The following FBXO31 variants were observed in gnomAD, a reference collection of about 807,000 sequenced individuals.
The protein encoded by FBXO31 is F-box protein 31.
A neutral mutation model predicts 54.4 loss-of-function variants in FBXO31; 24 were observed. The observed-to-expected ratio is 0.44, with a 90% CI of 0.32 to 0.62. The LOEUF (loss-of-function observed/expected upper bound fraction) is 0.62, where lower values mean the gene tolerates loss of function less well. FBXO31 is among the 20% of genes least tolerant of loss of function. The probability of loss-of-function intolerance (pLI) is 0.05; values close to 1 mark genes in which losing one functional copy is unlikely to be tolerated. For synonymous variants in FBXO31, 388 were observed against 335.6 expected, an observed-to-expected ratio of 1.16 and a Z score of -1.71; for missense variants, 665 against 787.1, an observed-to-expected ratio of 0.84 and a Z score of 1.86.
rs768468557 is a variant in FBXO31, at chr16:87,334,247, T to C, written c.1036A>G (p.Ile346Val). ...AGCTGGATCCGATGCCTCAGGTCGA[T>C]CTCCACTGTCTGCTGCCCAGCGGGG... is the stretch of plus-strand genomic sequence containing the variant. ...NIPAGQQTVEIDLRHRIQLPD... is the reference protein window; with the variant it reads ...NIPAGQQTVEVDLRHRIQLPD... The change falls in exon 8 of 9, where the codon ATC (isoleucine) becomes GTC (valine). Residue 346 changes from isoleucine (I) to valine (V), a missense_variant. Around this residue, in one of 4 missense-constraint regions of FBXO31, gnomAD observed 234 missense variants for 346.8 expected, o/e 0.67. Coordinates refer to ENST00000311635, the MANE Select transcript of FBXO31 (RefSeq NM_024735.5). 6.2e-7 allele frequency: 1 copy of C among 1,605,712 alleles called. No homozygotes were observed. The highest frequency in any genetic ancestry group is 1.1e-5 in the South Asian group (1 of 89,800).
At chr16:87,339,401 G>A (rs536386035) in intron 5 of FBXO31, among the ~76,000 whole-genome samples, 10 of 152,302 alleles carry the variant, frequency 6.6e-5, no homozygotes, top group Admixed American at 5.2e-4. Context: ...CCTACACGTC[G>A]TGAGAGAAAA....
At chr16:87,357,880 G>GC (rs145066018) in intron 2 of FBXO31, among the ~76,000 whole-genome samples, 4,314 of 151,648 alleles carry the variant, frequency 0.028, 210 homozygotes, top group African/African-American at 0.1. Flanking sequence ...TTGTGACACT[G>GC]CACTCCAGCT....
upstream of FBXO31, among the ~76,000 whole-genome samples, chr16:87,390,563 C>G (rs891367766): frequency 6.6e-6 from 1 of 151,614 alleles, no homozygotes; most frequent in East Asian, 2.0e-4. Flanking sequence ...GCCTCAGCCT[C>G]CCGAGTAGCT....
At chr16:87,331,697 T>C (rs761436650) in intron 8 of FBXO31, among the ~76,000 whole-genome samples, 187 bp from the exon 9 acceptor site, 4 of 152,178 alleles carry the variant, frequency 2.6e-5, no homozygotes, top group African/African-American at 4.8e-5. Flanking sequence ...AGCCTGTCTC[T>C]GAAGGGGTAG....
At chr16:87,359,284 C>G (rs903316259) in intron 2 of FBXO31, among the ~76,000 whole-genome samples, 7 of 152,228 alleles carry the variant, frequency 4.6e-5, no homozygotes, top group Non-Finnish European at 8.8e-5. Context: ...ACCCCCTGCC[C>G]TACCCTCGGC....
chr16:87,352,152 C>A (rs1012165931), intron 2 of FBXO31, among the ~76,000 whole-genome samples: 4 of 152,194 alleles, frequency 2.6e-5, no homozygotes, highest in Admixed American at 2.6e-4. Context: ...GCCAACACAT[C>A]ACACTGTGCC....
intron 2 of FBXO31, among the ~76,000 whole-genome samples, chr16:87,352,637 T>A (rs903522445): frequency 1.3e-5 from 2 of 152,102 alleles, no homozygotes; most frequent in Admixed American, 6.5e-5. Context: ...CCAGAAGACA[T>A]GGATGCTGCT....
intron 2 of FBXO31, among the ~76,000 whole-genome samples, chr16:87,348,536 G>A (rs1269627816): frequency 6.6e-6 from 1 of 152,180 alleles, no homozygotes; most frequent in Admixed American, 6.5e-5. Context: ...GGAAGAAGGG[G>A]TGACCGGGTA....
At chr16:87,368,116 T>C (rs2150690876) in intron 1 of FBXO31, among the ~76,000 whole-genome samples, 1 of 152,308 alleles carries the variant, frequency 6.6e-6, no homozygotes, top group African/African-American at 2.4e-5. Context: ...ATCAACAACT[T>C]GATAAAGCAT....
At chr16:87,381,665 C>A (rs1743957953) in intron 1 of FBXO31, among the ~76,000 whole-genome samples, 1 of 152,196 alleles carries the variant, frequency 6.6e-6, no homozygotes, top group Non-Finnish European at 1.5e-5. Context: ...ACTCAAAGAG[C>A]CCGACAACAG....
At chr16:87,390,885 C>T (rs1907514478), upstream of FBXO31, among the ~76,000 whole-genome samples, 1 of 152,106 alleles carries the variant, frequency 6.6e-6, no homozygotes, top group Non-Finnish European at 1.5e-5. Context: ...GGCTTGGAGC[C>T]ACCGCCCCCC....
chr16:87,340,784 C>T (rs997690715), intron 5 of FBXO31, among the ~76,000 whole-genome samples: 1 of 152,064 alleles, frequency 6.6e-6, no homozygotes, highest in African/African-American at 2.4e-5. Context: ...AAGTGAGACA[C>T]CCTCTCTCTT....
chr16:87,364,578 C>A (rs1266824583), intron 1 of FBXO31, among the ~76,000 whole-genome samples: 1 of 152,162 alleles, frequency 6.6e-6, no homozygotes, highest in Non-Finnish European at 1.5e-5. Context: ...TGGGCGGGGG[C>A]ATCCAACTGC....
At chr16:87,378,060 G>C (rs1906907119) in intron 1 of FBXO31, among the ~76,000 whole-genome samples, 2 of 151,858 alleles carry the variant, frequency 1.3e-5, no homozygotes, top group South Asian at 4.2e-4. Flanking sequence ...TCAGGAGGCT[G>C]AGGCAGGAGA....
intron 1 of FBXO31, among the ~76,000 whole-genome samples, chr16:87,374,739 C>A (rs1045832978): frequency 6.6e-6 from 1 of 152,244 alleles, no homozygotes; most frequent in Non-Finnish European, 1.5e-5. Flanking sequence ...GTGTGCCTCA[C>A]TCTCCGGAGT....
intron 2 of FBXO31, 110 bp downstream of exon 2, chr16:87,360,185 C>A: frequency 2.0e-6 from 2 of 1,007,466 alleles, no homozygotes; most frequent in Non-Finnish European, 3.1e-6. Context: ...AAGATGGTGT[C>A]TGAGAAAACA....
intron 1 of FBXO31, among the ~76,000 whole-genome samples, chr16:87,376,802 C>T (rs1906843374): frequency 2.0e-5 from 3 of 152,222 alleles, no homozygotes; most frequent in Admixed American, 6.5e-5. Flanking sequence ...AAGGCTGGGG[C>T]CAGCCCTGTT....
At position 87,346,377 on chromosome 16, in the gene FBXO31, G is replaced by A. The variant is rs183004320; in HGVS notation, c.489+797C>T. On this transcript the variant is annotated intron_variant, in intron 3 of 8. Transcript: ENST00000311635. The surrounding 1 kb of genome is among the most constrained non-coding windows in gnomAD (Gnocchi z 4.2). ...AGGAGAAAAGGCGGGGGCTAGACTC[G>A]AAAGAAACTTTCACTACTGTACCCA... is the stretch of plus-strand genomic sequence containing the variant. 5.9e-5 allele frequency among the ~76,000 whole-genome samples: 9 copies of A among 152,114 alleles called. No individual in the cohort carries two copies. Among genetic ancestry groups the A allele is most frequent in the African/African-American group, 1.2e-4 (5 of 41,396 alleles).
intron 1 of FBXO31, among the ~76,000 whole-genome samples, chr16:87,365,307 C>A (rs1048699678): frequency 2.0e-5 from 3 of 151,750 alleles, no homozygotes; most frequent in Non-Finnish European, 4.4e-5. Flanking sequence ...AGACCAATCC[C>A]ACTCCTTAAA....
Sources: allele counts gnomAD v4.1 joint callset (sites outside exome capture counted in the v4.1 genomes callset), GRCh38; gene constraint gnomAD v4.1.1; regional missense constraint gnomAD v4.1.1; non-coding constraint Gnocchi (gnomAD v3.1); transcripts MANE v1.5; gene names NCBI Gene and HGNC (gene_info 2026-07-23, HGNC 2026-07-21).